BANK1: variants seen among roughly 807,000 people sequenced by gnomAD.
BANK1 encodes the protein B-cell scaffold protein with ankyrin repeats.
In BANK1, 95 loss-of-function variants were observed where a neutral mutation model predicts 94.5. That is an observed-to-expected ratio of 1.00 (90% confidence interval 0.85 to 1.19). The LOEUF (loss-of-function observed/expected upper bound fraction) is 1.19, where lower values mean the gene tolerates loss of function less well. Ranked by LOEUF, BANK1 falls within the 50% of genes most tolerant of loss-of-function variation. The pLI is 0.00. For synonymous variants in BANK1, 334 were observed against 308.4 expected (o/e 1.08, Z -0.87); for missense variants, 987 against 932.2 (o/e 1.06, Z -0.77).
At position 101,990,114 on chromosome 4, in the gene BANK1, A is replaced by G. The variant is rs183992565; in HGVS notation, c.1207-31400A>G. Among the ~76,000 whole-genome samples the G allele has an allele frequency of 2.0e-5, 3 of 152,350 alleles. No homozygotes were observed. The East Asian group carries it at 5.8e-4, about 29-fold the overall frequency. On this transcript the variant is annotated intron_variant, in intron 7 of 16. Coordinates refer to ENST00000322953, the MANE Select transcript of BANK1 (RefSeq NM_017935.5). ...TAATAATTAATGACTGCACTAGTGA[A>G]AAAGCAAAATGTTTGACTATGACTT...
intron 7 of BANK1, among the ~76,000 whole-genome samples, chr4:101,938,010 G>A (rs983291825): frequency 1.3e-5 from 2 of 151,534 alleles, no homozygotes; most frequent in African/African-American, 4.9e-5. Flanking sequence ...AACACCACAT[G>A]TTCTCACCCA....
At chr4:101,795,096 G>T (rs1280736472) in intron 1 of BANK1, among the ~76,000 whole-genome samples, 1 of 151,508 alleles carries the variant, frequency 6.6e-6, no homozygotes, top group African/African-American at 2.4e-5. Flanking sequence ...TGAGAATAAA[G>T]CCTCCTTTGG....
chr4:101,907,708 C>G (rs1477782631), intron 6 of BANK1, among the ~76,000 whole-genome samples: 3 of 152,200 alleles, frequency 2.0e-5, no homozygotes, highest in Non-Finnish European at 2.9e-5. Context: ...TCAGCAAAGT[C>G]TCAGGATACA....
chr4:101,896,568 C>T (rs1004292943), intron 6 of BANK1, among the ~76,000 whole-genome samples: 25 of 151,838 alleles, frequency 1.6e-4, no homozygotes, highest in Middle Eastern at 3.4e-3. Context: ...GTGAAATTAG[C>T]GACATTTTAT....
chr4:101,888,145 A>G (rs1159060179), intron 5 of BANK1, among the ~76,000 whole-genome samples: 4 of 152,234 alleles, frequency 2.6e-5, no homozygotes, highest in Admixed American at 6.5e-5. Flanking sequence ...GCAATTTGTT[A>G]TAAGAAGAAG....
At chr4:101,976,522 T>C (rs1725135490) in intron 7 of BANK1, among the ~76,000 whole-genome samples, 1 of 152,166 alleles carries the variant, frequency 6.6e-6, no homozygotes, top group South Asian at 2.1e-4. Flanking sequence ...GAGTAAAGTA[T>C]TGATTAGACA....
intron 7 of BANK1, among the ~76,000 whole-genome samples, chr4:102,011,148 C>T (rs577917220): frequency 2.0e-5 from 3 of 152,278 alleles, no homozygotes; most frequent in Admixed American, 2.0e-4. Context: ...AATGAATAGC[C>T]TTCTACATTT....
At chr4:101,844,950 C>T (rs558014173) in intron 2 of BANK1, among the ~76,000 whole-genome samples, 2 of 152,178 alleles carry the variant, frequency 1.3e-5, no homozygotes, top group Non-Finnish European at 2.9e-5. Flanking sequence ...GGGTGATAAA[C>T]AAAACTTATT....
intron 1 of BANK1, among the ~76,000 whole-genome samples, chr4:101,825,612 G>A (rs925444826): frequency 5.3e-5 from 8 of 151,950 alleles, no homozygotes; most frequent in Non-Finnish European, 1.0e-4. Flanking sequence ...AAGACTAACA[G>A]GACCAACTTC....
At chr4:102,033,376 C>T (rs1352175) in intron 10 of BANK1, among the ~76,000 whole-genome samples, 15,280 of 152,164 alleles carry the variant, frequency 0.1, 1,099 homozygotes, top group East Asian at 0.22. Flanking sequence ...AAAATAAGTA[C>T]ATTTGGATGG....
intron 7 of BANK1, among the ~76,000 whole-genome samples, chr4:101,970,928 A>G (rs1724930914): frequency 6.6e-6 from 1 of 152,160 alleles, no homozygotes; most frequent in Non-Finnish European, 1.5e-5. Context: ...ATACAGCCCC[A>G]AGTAACTGGC....
chr4:101,970,057 C>G (rs1724900779), intron 7 of BANK1, among the ~76,000 whole-genome samples: 1 of 152,084 alleles, frequency 6.6e-6, no homozygotes, highest in South Asian at 2.1e-4. Flanking sequence ...AAGGATTTTA[C>G]CAGCTGCTTG....
chr4:101,918,309 T>C, intron 7 of BANK1, 120 bp downstream of exon 7: 1 of 533,738 alleles, frequency 1.9e-6, no homozygotes, highest in Non-Finnish European at 3.1e-6. Context: ...AAGGCACTAT[T>C]AGGCACATGA....
chr4:102,037,922 A>G (rs1027568108), intron 10 of BANK1, among the ~76,000 whole-genome samples: 2 of 152,268 alleles, frequency 1.3e-5, no homozygotes, highest in South Asian at 2.1e-4. Flanking sequence ...TCCCTTTTGC[A>G]TGGGTTTCAT....
Position 102,071,265 on chromosome 4 carries a change from T to TGTC in BANK1, c.2213-9_2213-7dup, listed in dbSNP as rs1186501467. On this transcript the variant is annotated splice_polypyrimidine_tract_variant and intron_variant, in intron 13 of 16. Transcript: ENST00000322953. ...AAACTCAGTAGAACATGCTTTTTTT[T>TGTC]GTCTTCCAGATAAACTCACCATTGT... 1 of 1,613,670 alleles carries TGTC rather than the reference T, an allele frequency of 6.2e-7. No homozygotes were observed.
chr4:101,930,579 A>C (rs1723305764), intron 7 of BANK1, among the ~76,000 whole-genome samples: 1 of 151,544 alleles, frequency 6.6e-6, no homozygotes, highest in African/African-American at 2.4e-5. Flanking sequence ...TGTTAGTATA[A>C]AATCCAAAAA....
At chr4:101,869,784 A>G (rs1204593309) in intron 4 of BANK1, among the ~76,000 whole-genome samples, 1 of 151,972 alleles carries the variant, frequency 6.6e-6, no homozygotes. Context: ...CATTTTGTTT[A>G]GTATTCTTAC....
At chr4:101,906,950 C>T (rs1047786531) in intron 6 of BANK1, among the ~76,000 whole-genome samples, 11 of 152,180 alleles carry the variant, frequency 7.2e-5, no homozygotes, top group African/African-American at 2.7e-4. Flanking sequence ...AGTGGGAAAT[C>T]AGGGGTCTCA....
chr4:101,904,301 A>G (rs921108253), intron 6 of BANK1, among the ~76,000 whole-genome samples: 1 of 152,234 alleles, frequency 6.6e-6, no homozygotes, highest in African/African-American at 2.4e-5. Context: ...TAAGTCAGTT[A>G]ACATTCTCCA....
Sources: gnomAD v4.1 joint callset for allele counts (sites outside exome capture counted in the v4.1 genomes callset) on GRCh38, gnomAD v4.1.1 for gene constraint, MANE v1.5 for transcripts, NCBI Gene and HGNC (gene_info 2026-07-23, HGNC 2026-07-21) for gene names.